SOX6: variants seen among roughly 807,000 people sequenced by gnomAD.
The protein encoded by SOX6 is SRY-box transcription factor 6.
SOX6 carries 11 observed loss-of-function variants against 97.8 expected under a neutral mutation model. The observed-to-expected ratio is 0.11, with a 90% CI of 0.07 to 0.19. The LOEUF (loss-of-function observed/expected upper bound fraction) is 0.19, where lower values mean the gene tolerates loss of function less well. Among genes scored for constraint, SOX6 ranks in the 10% least tolerant of loss-of-function variants. The pLI is 1.00. For missense variants in SOX6, 810 were observed against 1,039.5 expected (o/e 0.78, Z 3.04); for synonymous variants, 360 against 371.4 (o/e 0.97, Z 0.35).
intron 3 of SOX6, among the ~76,000 whole-genome samples, chr11:16,309,286 A>G (rs1379358446): frequency 1.3e-5 from 2 of 152,200 alleles, no homozygotes; most frequent in Non-Finnish European, 2.9e-5. Context: ...GAAACAATAA[A>G]CAGGAGAATA....
At chr11:16,276,341 T>C (rs536404248) in intron 3 of SOX6, among the ~76,000 whole-genome samples, 4 of 152,282 alleles carry the variant, frequency 2.6e-5, no homozygotes, top group Admixed American at 2.0e-4. Context: ...AGGTTGGCAA[T>C]GAAAAAGCCA....
At chr11:16,012,931 A>G (rs572552951) in intron 13 of SOX6, among the ~76,000 whole-genome samples, 1 of 152,206 alleles carries the variant, frequency 6.6e-6, no homozygotes, top group Non-Finnish European at 1.5e-5. Context: ...AATTGGTTTC[A>G]ATCTAGACAA....
intron 3 of SOX6, among the ~76,000 whole-genome samples, chr11:16,651,443 A>G (rs1266054846): frequency 6.6e-6 from 1 of 152,196 alleles, no homozygotes; most frequent in African/African-American, 2.4e-5. Flanking sequence ...ACTGGGTTTG[A>G]TAACAGGAAT....
intron 1 of SOX6, among the ~76,000 whole-genome samples, chr11:16,405,126 C>T (rs924902845): frequency 4.0e-5 from 6 of 151,862 alleles, no homozygotes; most frequent in African/African-American, 7.3e-5. Flanking sequence ...AGGCAAAGGT[C>T]GCATTATGAG....
chr11:16,178,221 G>A (rs550692220), intron 6 of SOX6, among the ~76,000 whole-genome samples: 5 of 152,060 alleles, frequency 3.3e-5, no homozygotes, highest in African/African-American at 1.2e-4. Flanking sequence ...CTAAAGTGTA[G>A]TTTTAGTTCA....
At chr11:16,397,795 T>C (rs1332292702) in intron 1 of SOX6, among the ~76,000 whole-genome samples, 1 of 151,508 alleles carries the variant, frequency 6.6e-6, no homozygotes, top group Non-Finnish European at 1.5e-5. Flanking sequence ...AGCATTCAGG[T>C]GCTAAAACAC....
intron 1 of SOX6, among the ~76,000 whole-genome samples, chr11:16,353,319 C>T (rs1057298325): frequency 2.0e-5 from 3 of 151,996 alleles, no homozygotes; most frequent in Non-Finnish European, 4.4e-5. Context: ...TCAGGGAATG[C>T]AGAGTAATTT....
intron 11 of SOX6, 53 bp downstream of exon 11, chr11:16,049,702 C>A: frequency 6.2e-7 from 1 of 1,606,276 alleles, no homozygotes; most frequent in Non-Finnish European, 8.5e-7. Flanking sequence ...AACAGGTTTG[C>A]TTTCTTTTAC....
At chr11:16,018,243 G>A (rs1243402297) in intron 12 of SOX6, among the ~76,000 whole-genome samples, 2 of 152,080 alleles carry the variant, frequency 1.3e-5, no homozygotes, top group African/African-American at 4.8e-5. Context: ...CAGCCTCACT[G>A]ATGACAGATA....
At chr11:16,289,151 G>A (rs1232040824) in intron 3 of SOX6, among the ~76,000 whole-genome samples, 2 of 151,844 alleles carry the variant, frequency 1.3e-5, no homozygotes, top group Non-Finnish European at 2.9e-5. Flanking sequence ...TATTTGTATA[G>A]TTAAAAACAA....
rs1269963092 is a variant in SOX6, at chr11:16,607,909, G to T, written n.609+4172C>A. Among the ~76,000 whole-genome samples, 1 of 152,034 alleles carries T rather than the reference G, an allele frequency of 6.6e-6. No individual in the cohort carries two copies. The highest frequency in any genetic ancestry group is 2.4e-5 in the African/African-American group (1 of 41,384). On this transcript the variant is annotated intron_variant and non_coding_transcript_variant, in intron 4 of 5. Transcript: ENST00000524520. The surrounding 1 kb of genome is among the most constrained non-coding windows in gnomAD (Gnocchi z 6.5). Reference sequence around the variant, plus strand: ...GGGCGGGCCGGGGGAAGAAGGAGGGGAGAGCGGGAGGCAAAGGCAAGAGAG... The same window carrying T: ...GGGCGGGCCGGGGGAAGAAGGAGGGTAGAGCGGGAGGCAAAGGCAAGAGAG...
At chr11:16,693,773 A>C (rs1590054743) in intron 3 of SOX6, among the ~76,000 whole-genome samples, 1 of 152,322 alleles carries the variant, frequency 6.6e-6, no homozygotes, top group East Asian at 1.9e-4. Context: ...TTAAGGAGCC[A>C]AAAACTTTCT....
rs1853724702 is a variant in SOX6 at position 15,983,198 on chromosome 11, T to TAC, written c.2183+3004_2183+3005dup. 2.0e-5 allele frequency among the ~76,000 whole-genome samples: 3 copies of TAC among 151,972 alleles called. No homozygotes were observed. The South Asian group carries it at 6.2e-4, about 32-fold the overall frequency. On this transcript the variant is annotated intron_variant, in intron 15 of 15. Transcript: ENST00000683767. Reference sequence around the variant, plus strand: ...TATAATAGTGTGTTATACCCACACATACACACACACATTTATTATCTTGAA... The same window carrying TAC: ...TATAATAGTGTGTTATACCCACACATACACACACACACATTTATTATCTTGAA...
intron 11 of SOX6, among the ~76,000 whole-genome samples, chr11:16,047,871 A>T (rs908789798): frequency 1.3e-5 from 2 of 150,474 alleles, no homozygotes; most frequent in Non-Finnish European, 3.0e-5. Context: ...TATACATGGA[A>T]TTTTTTTTTT....
At chr11:16,058,265 G>C (rs1847866814) in intron 9 of SOX6, among the ~76,000 whole-genome samples, 1 of 151,796 alleles carries the variant, frequency 6.6e-6, no homozygotes, top group African/African-American at 2.4e-5. Flanking sequence ...TTCTCTGATT[G>C]CTTCTTTTTA....
chr11:16,252,987 C>G lies in SOX6; in HGVS notation c.446-18316G>C, dbSNP rs12275932. ...TCCTATTTATTACGGTTCCTTTTAC[C>G]CAGTACATCATGTCTGCCTTTCAAC... On this transcript the variant is annotated intron_variant, in intron 3 of 15. Transcript: ENST00000683767. Among the ~76,000 whole-genome samples, 305 of 152,154 alleles carry G rather than the reference C, an allele frequency of 2.0e-3. 1 individual carries two copies. Among genetic ancestry groups the G allele is most frequent in the African/African-American group, 6.6e-3 (275 of 41,514 alleles).
At chr11:16,466,937 A>G (rs1189019619) in intron 1 of SOX6, among the ~76,000 whole-genome samples, 2 of 149,894 alleles carry the variant, frequency 1.3e-5, no homozygotes, top group Non-Finnish European at 1.5e-5. Flanking sequence ...TCTCAAAAAA[A>G]AAAAAAAAAA....
intron 6 of SOX6, among the ~76,000 whole-genome samples, chr11:16,115,086 A>G (rs1160600818): frequency 6.6e-6 from 1 of 152,212 alleles, no homozygotes; most frequent in Non-Finnish European, 1.5e-5. Context: ...AGAAACTTCA[A>G]ATACTAAATA....
At chr11:15,988,450 G>C (rs144435070) in intron 14 of SOX6, among the ~76,000 whole-genome samples, 2 of 152,284 alleles carry the variant, frequency 1.3e-5, no homozygotes, top group East Asian at 3.9e-4. Flanking sequence ...AATAATTGTA[G>C]ATTTATTTTA....
Sources: allele counts gnomAD v4.1 joint callset (sites outside exome capture counted in the v4.1 genomes callset), GRCh38; gene constraint gnomAD v4.1.1; non-coding constraint Gnocchi (gnomAD v3.1); transcripts MANE v1.5; gene names NCBI Gene and HGNC (gene_info 2026-07-23, HGNC 2026-07-21).